RCC2: variants seen among roughly 807,000 people sequenced by gnomAD.
RCC2 encodes the protein protein RCC2.
Under a neutral mutation model 64.1 loss-of-function variants are expected in RCC2, and 19 were observed. The ratio of observed to expected loss-of-function variants is 0.30; its 90% CI spans 0.21 to 0.44. The LOEUF is 0.44. Among genes scored for constraint, RCC2 ranks in the 20% least tolerant of loss-of-function variants. The pLI, the probability that RCC2 is intolerant of heterozygous loss-of-function variation, is 1.00. For missense variants in RCC2, 508 were observed against 710.4 expected, an observed-to-expected ratio of 0.72 and a Z score of 3.24; for synonymous variants, 325 against 279.6, an observed-to-expected ratio of 1.16 and a Z score of -1.62.
At chr1:17,438,850 A>G (rs1476976040) in intron 1 of RCC2, among the ~76,000 whole-genome samples, 1 of 152,182 alleles carries the variant, frequency 6.6e-6, no homozygotes, top group East Asian at 1.9e-4. Flanking sequence ...AAGTAAAGGG[A>G]AAGTAAAACC....
chr1:17,428,334 C>G lies in RCC2; in HGVS notation c.379+772G>C, dbSNP rs576394197. ...TGAAGGCTGGGCATTTTCCAAACAA[C>G]GCGCTGCTGCTACCTGCAACTTAAA... On this transcript the variant is annotated intron_variant, in intron 3 of 12. Transcript: ENST00000375436. Among the ~76,000 whole-genome samples the G allele has an allele frequency of 7.8e-4, 119 of 152,378 alleles. 1 individual carries two copies. Among genetic ancestry groups the G allele is most frequent in the African/African-American group, 2.7e-3 (114 of 41,590 alleles).
intron 2 of RCC2, among the ~76,000 whole-genome samples, chr1:17,431,317 G>C (rs2075672916): frequency 1.1e-5 from 1 of 88,158 alleles, no homozygotes; most frequent in African/African-American, 4.2e-5. Flanking sequence ...CTGGGCGACT[G>C]AGCAAGACTC....
At chr1:17,422,178 G>A (rs373840905) in intron 6 of RCC2, 25 bp downstream of exon 6, 7 of 1,523,152 alleles carry the variant, frequency 4.6e-6, no homozygotes, top group Non-Finnish European at 6.3e-6. Flanking sequence ...AAAAAGCCAT[G>A]GAGCCGGAGC....
intron 9 of RCC2, 70 bp from the exon 10 acceptor site, chr1:17,413,248 C>G: frequency 1.7e-6 from 2 of 1,169,736 alleles, no homozygotes; most frequent in South Asian, 2.6e-5. Flanking sequence ...TCAGTATTAT[C>G]AGGGTGAAAA....
rs1322883906 is a variant in RCC2 at position 17,407,083 on chromosome 1, A to T, written c.*2007T>A. 1 of 152,230 alleles carries T rather than the reference A, an allele frequency of 6.6e-6. No individual in the cohort carries two copies. The highest frequency in any genetic ancestry group is 2.4e-5 in the African/African-American group (1 of 41,448). The allele number at this position is 152,230 out of a possible 1,614,324, so 9.4% of individuals were successfully genotyped here. A position where few individuals can be genotyped will look rare whatever the true frequency, so the allele number is the denominator to read the frequency against. ...GGAAGCCCATTTTTCAATCTAAGCC[A>T]GAAGGAGCTGCGGGACAAGGCAGTC... On this transcript the variant is annotated 3_prime_UTR_variant, in exon 13 of 13. Transcript: ENST00000375436.
chr1:17,427,861 G>A (rs886479734), intron 3 of RCC2, among the ~76,000 whole-genome samples: 5 of 152,110 alleles, frequency 3.3e-5, no homozygotes, highest in Admixed American at 3.3e-4. Context: ...CAAATTAAAC[G>A]CCCTGCAGCA....
chr1:17,419,724 G>C (rs369179155), intron 7 of RCC2, among the ~76,000 whole-genome samples: 1 of 152,168 alleles, frequency 6.6e-6, no homozygotes, highest in Non-Finnish European at 1.5e-5. Flanking sequence ...GACTTGCCGG[G>C]GTGCAGAGGG....
chr1:17,415,682 C>T (rs1465741131), intron 8 of RCC2, among the ~76,000 whole-genome samples: 1 of 151,100 alleles, frequency 6.6e-6, no homozygotes. Context: ...TGCATTCCAG[C>T]CTGGGTGAAA....
rs760025449 is a variant in RCC2 at position 17,420,848 on chromosome 1, G to A, written c.745-20C>T. The stretch of plus-strand genomic sequence containing the variant: ...CATTATCTGAAAAGACAAGAAAGGA[G>A]ACTTTCATTTTTTTTAAAGACTGAT... On this transcript the variant is annotated intron_variant, in intron 6 of 12. Transcript: ENST00000375436. The A allele has an allele frequency of 6.6e-7, 1 of 1,526,096 alleles. No homozygotes were observed. The highest frequency in any genetic ancestry group is 8.9e-7 in the Non-Finnish European group (1 of 1,121,372). The allele number at this position is 1,526,096 out of a possible 1,614,324, so 94.5% of individuals were successfully genotyped here.
chr1:17,418,087 C>G (rs781066769), intron 7 of RCC2, among the ~76,000 whole-genome samples: 3 of 152,086 alleles, frequency 2.0e-5, no homozygotes, highest in Non-Finnish European at 4.4e-5. Flanking sequence ...ACAGGGGGTA[C>G]TGGAAGCAAT....
At chr1:17,422,368 A>G (rs1472496960) in intron 5 of RCC2, 77 bp from the exon 6 acceptor site, 2 of 1,336,604 alleles carry the variant, frequency 1.5e-6, no homozygotes, top group African/African-American at 2.9e-5. Flanking sequence ...CAAAGGCATC[A>G]AAATAATAAA....
chr1:17,421,028 C>T (rs888474528), intron 6 of RCC2, among the ~76,000 whole-genome samples, 200 bp from the exon 7 acceptor site: 2 of 152,082 alleles, frequency 1.3e-5, no homozygotes, highest in African/African-American at 4.8e-5. Flanking sequence ...AGACCCCCAC[C>T]CTCCCAGCAC....
At chr1:17,434,429 T>A (rs1203210097) in intron 2 of RCC2, among the ~76,000 whole-genome samples, 1 of 152,220 alleles carries the variant, frequency 6.6e-6, no homozygotes, top group African/African-American at 2.4e-5. Flanking sequence ...AGGTGGGTGG[T>A]CTGCAGAGGG....
intron 10 of RCC2, among the ~76,000 whole-genome samples, chr1:17,412,709 C>A (rs781016327): frequency 3.6e-4 from 55 of 152,362 alleles, no homozygotes; most frequent in Middle Eastern, 3.4e-3. Flanking sequence ...ACCACTGCTG[C>A]CAAGACAATG....
At chr1:17,415,923 C>T (rs773604873) in intron 8 of RCC2, among the ~76,000 whole-genome samples, 1 of 150,040 alleles carries the variant, frequency 6.7e-6, no homozygotes, top group Non-Finnish European at 1.5e-5. Flanking sequence ...ACAAAACTAG[C>T]CGGGGCATGG....
intron 10 of RCC2, 59 bp from the exon 11 acceptor site, chr1:17,412,253 C>CT: frequency 1.3e-6 from 2 of 1,543,742 alleles, no homozygotes; most frequent in Non-Finnish European, 1.8e-6. Context: ...ACCCACGCAG[C>CT]TATGGCTCAA....
At chr1:17,422,095 GT>G in intron 6 of RCC2, 107 bp downstream of exon 6, 1 of 745,788 alleles carries the variant, frequency 1.3e-6, no homozygotes, top group South Asian at 2.2e-5. Flanking sequence ...TCCAGACCCT[GT>G]TTTTACAAGG....
chr1:17,412,337 A>C, intron 10 of RCC2, 143 bp from the exon 11 acceptor site: 1 of 680,538 alleles, frequency 1.5e-6, no homozygotes. Flanking sequence ...CAGGGCCAAC[A>C]GGTTTCTCCT....
intron 2 of RCC2, among the ~76,000 whole-genome samples, chr1:17,430,817 C>T (rs1570203352): frequency 6.6e-6 from 1 of 151,886 alleles, no homozygotes; most frequent in East Asian, 2.0e-4. Context: ...CAACCTCTGC[C>T]TCCCGGGTTC....
Sources: gnomAD v4.1 joint callset for allele counts (sites outside exome capture counted in the v4.1 genomes callset) on GRCh38, gnomAD v4.1.1 for gene constraint, MANE v1.5 for transcripts, NCBI Gene and HGNC (gene_info 2026-07-23, HGNC 2026-07-21) for gene names.